Variants in CSNK1G2 observed in about 807,000 individuals in gnomAD.
CSNK1G2 encodes the protein casein kinase 1 gamma 2, also known as casein kinase I isoform gamma-2.
A neutral mutation model predicts 48.0 loss-of-function variants in CSNK1G2; 11 were observed. The observed-to-expected ratio is 0.23, with a 90% CI of 0.14 to 0.38. The LOEUF is 0.38. CSNK1G2 is among the 10% of genes least tolerant of loss of function. The probability of loss-of-function intolerance (pLI) is 1.00; values close to 1 mark genes in which losing one functional copy is unlikely to be tolerated. For missense variants in CSNK1G2, 446 were observed against 595.5 expected, an observed-to-expected ratio of 0.75 and a Z score of 2.61; for synonymous variants, 337 against 254.1, an observed-to-expected ratio of 1.33 and a Z score of -3.10.
intron 1 of CSNK1G2, among the ~76,000 whole-genome samples, chr19:1,963,368 T>TGCCTG (rs1568193255): frequency 7.0e-6 from 1 of 142,546 alleles, no homozygotes; most frequent in Non-Finnish European, 1.5e-5. Flanking sequence ...CCCGCCACCA[T>TGCCTG]GCCTGGCTAA....
chr19:1,942,104 G>C (rs1599272340), intron 1 of CSNK1G2, among the ~76,000 whole-genome samples: 2 of 152,116 alleles, frequency 1.3e-5, no homozygotes, highest in African/African-American at 4.8e-5. Flanking sequence ...GACCTGTTGC[G>C]GCACTGCCTG....
intron 1 of CSNK1G2, among the ~76,000 whole-genome samples, chr19:1,944,234 C>T (rs937648265): frequency 2.8e-4 from 42 of 152,084 alleles, no homozygotes; most frequent in African/African-American, 9.2e-4. Flanking sequence ...GCAAATGCTC[C>T]GCCGGCAGCC....
chr19:1,969,156 C>A (rs1052631700), intron 1 of CSNK1G2, among the ~76,000 whole-genome samples: 3 of 152,310 alleles, frequency 2.0e-5, no homozygotes, highest in Admixed American at 6.5e-5. Context: ...CCCCTGGCTT[C>A]AGGATCCTCA....
At chr19:1,965,470 C>G (rs926514148) in intron 1 of CSNK1G2, among the ~76,000 whole-genome samples, 2 of 152,040 alleles carry the variant, frequency 1.3e-5, no homozygotes, top group Non-Finnish European at 2.9e-5. Context: ...ATGAATGACT[C>G]GGAAATCAAG....
rs1219804094 is a variant in CSNK1G2 at position 1,957,441 on chromosome 19, G to T, written c.-265-12067G>T. Among the ~76,000 whole-genome samples, 4 of 152,246 alleles carry T rather than the reference G, an allele frequency of 2.6e-5. No individual in the cohort carries two copies. Among genetic ancestry groups the T allele is most frequent in the African/African-American group, 4.8e-5 (2 of 41,456 alleles). ...CAGAGAGCAGCCTGGGAGAGAAGGG[G>T]GCTGCCCCGAGCGGCTTGGGTGGCC... On this transcript the variant is annotated intron_variant, in intron 1 of 11. Coordinates refer to ENST00000255641, the MANE Select transcript of CSNK1G2 (RefSeq NM_001319.7). The surrounding 1 kb of genome is among the most constrained non-coding windows in gnomAD (Gnocchi z 5.4).
chr19:1,976,929 G>C (rs2015776781), intron 2 of CSNK1G2, among the ~76,000 whole-genome samples: 1 of 152,012 alleles, frequency 6.6e-6, no homozygotes, highest in African/African-American at 2.4e-5. Flanking sequence ...AGTAGAGATG[G>C]GGTTTCTCCA....
At chr19:1,971,123 C>T (rs2145576455) in intron 2 of CSNK1G2, among the ~76,000 whole-genome samples, 1 of 152,266 alleles carries the variant, frequency 6.6e-6, no homozygotes, top group African/African-American at 2.4e-5. Flanking sequence ...CACTCGTGGG[C>T]AGAAGGGTTC....
chr19:1,962,413 T>C (rs1196529254), intron 1 of CSNK1G2, among the ~76,000 whole-genome samples: 1 of 151,532 alleles, frequency 6.6e-6, no homozygotes, highest in East Asian at 1.9e-4. Flanking sequence ...ACGCCTATAA[T>C]CCCAGCACTT....
chr19:1,973,193 C>G (rs942499705), intron 2 of CSNK1G2, among the ~76,000 whole-genome samples: 1 of 151,804 alleles, frequency 6.6e-6, no homozygotes, highest in Non-Finnish European at 1.5e-5. Flanking sequence ...TCCCAAAGTG[C>G]TGGGATTACA....
chr19:1,954,178 G>T, intron 1 of CSNK1G2: 1 of 401,190 alleles, frequency 2.5e-6, no homozygotes, highest in Non-Finnish European at 5.0e-6. Context: ...TGTCCTGGCC[G>T]CGGCAGCTCC....
chr19:1,952,252 G>A (rs373053999), intron 1 of CSNK1G2, among the ~76,000 whole-genome samples: 2 of 152,252 alleles, frequency 1.3e-5, no homozygotes, highest in Non-Finnish European at 2.9e-5. Context: ...CGCCGATAGC[G>A]TGTGTCATCT....
intron 2 of CSNK1G2, among the ~76,000 whole-genome samples, chr19:1,970,766 CAGGT>C (rs879722473): frequency 1.3e-5 from 2 of 152,344 alleles, no homozygotes; most frequent in Admixed American, 6.5e-5. Flanking sequence ...CCGGGGAACC[CAGGT>C]GCACCCCCAG....
At chr19:1,943,139 G>A (rs748648086) in intron 1 of CSNK1G2, among the ~76,000 whole-genome samples, 2 of 152,188 alleles carry the variant, frequency 1.3e-5, no homozygotes, top group African/African-American at 2.4e-5. Context: ...ACCGTGCAGC[G>A]GGCAAATGGG....
chr19:1,974,459 G>A (rs1568201918), intron 2 of CSNK1G2, among the ~76,000 whole-genome samples: 1 of 152,188 alleles, frequency 6.6e-6, no homozygotes. Flanking sequence ...TGCTGGATTG[G>A]GGACCAGGTT....
At chr19:1,950,346 T>G (rs191533005) in intron 1 of CSNK1G2, among the ~76,000 whole-genome samples, 4 of 137,198 alleles carry the variant, frequency 2.9e-5, no homozygotes, top group Non-Finnish European at 6.2e-5. Flanking sequence ...TCACTGTGTT[T>G]GCCAGGATGG....
At chr19:1,947,974 G>A (rs2014624399) in intron 1 of CSNK1G2, among the ~76,000 whole-genome samples, 2 of 146,864 alleles carry the variant, frequency 1.4e-5, no homozygotes, top group Admixed American at 6.8e-5. Context: ...CCTCGTGCCC[G>A]GGCACTGGCC....
chr19:1,979,129 G>A (rs758067532), intron 6 of CSNK1G2, 34 bp from the exon 7 acceptor site: 4 of 1,559,942 alleles, frequency 2.6e-6, no homozygotes, highest in South Asian at 2.3e-5. Flanking sequence ...GCGGGCGCCC[G>A]GACCCCGCTG....
At chr19:1,948,670 G>A (rs1016953450) in intron 1 of CSNK1G2, among the ~76,000 whole-genome samples, 4 of 152,026 alleles carry the variant, frequency 2.6e-5, no homozygotes, top group African/African-American at 4.8e-5. Context: ...GGTAAAATTC[G>A]GCAACGTGTG....
chr19:1,954,103 G>A (rs975317297), intron 1 of CSNK1G2: 7 of 470,886 alleles, frequency 1.5e-5, no homozygotes, highest in South Asian at 3.1e-5. Flanking sequence ...TGATTTGTGG[G>A]GTGTTTCTCT....
Sources: allele counts gnomAD v4.1 joint callset (sites outside exome capture counted in the v4.1 genomes callset), GRCh38; gene constraint gnomAD v4.1.1; non-coding constraint Gnocchi (gnomAD v3.1); transcripts MANE v1.5; gene names NCBI Gene and HGNC (gene_info 2026-07-23, HGNC 2026-07-21).